Variants in SNX30 observed in about 807,000 individuals in gnomAD.
SNX30 encodes sorting nexin-30.
In SNX30, 24 loss-of-function variants were observed where a neutral mutation model predicts 46.4. The observed-to-expected ratio is 0.52, with a 90% CI of 0.37 to 0.73. The LOEUF is 0.73. SNX30 is among the 30% of genes least tolerant of loss of function. The pLI is 0.00. For synonymous variants in SNX30, 189 were observed against 211.5 expected (o/e 0.89, Z 0.92); for missense variants, 533 against 555.7 (o/e 0.96, Z 0.41).
At chr9:112,819,619 A>G (rs1461199301) in intron 3 of SNX30, among the ~76,000 whole-genome samples, 1 of 152,092 alleles carries the variant, frequency 6.6e-6, no homozygotes, top group African/African-American at 2.4e-5. Flanking sequence ...CATTTTATTT[A>G]GCAGTCATGT....
At chr9:112,781,903 A>C (rs570777643) in intron 1 of SNX30, among the ~76,000 whole-genome samples, 1 of 152,056 alleles carries the variant, frequency 6.6e-6, no homozygotes, top group South Asian at 2.1e-4. Context: ...TATCCTCCCA[A>C]AGTGCTGGGA....
Position 112,865,647 on chromosome 9 carries a change from ATATATATATATATATG to A in SNX30, c.1254+1252_1254+1267del, listed in dbSNP as rs1564297140. Among the ~76,000 whole-genome samples, 4 of 85,188 alleles carry A rather than the reference ATATATATATATATATG, an allele frequency of 4.7e-5. No individual in the cohort carries two copies. The South Asian group carries it at 1.0e-3, about 21-fold the overall frequency. The allele number at this position is 85,188 out of a possible 152,430, so 55.9% of individuals were successfully genotyped here. On this transcript the variant is annotated intron_variant, in intron 8 of 8. Coordinates refer to ENST00000374232, the MANE Select transcript of SNX30 (RefSeq NM_001012994.2). ...GCCATATATATATATATATATATAT[ATATATATATATATATG>A]TATGTATGTATGCACACACACACAC... is the stretch of plus-strand genomic sequence containing the variant.
chr9:112,880,074 T>TA (rs1162823056), exon 5 of SNX30: 2 of 360,198 alleles, frequency 5.6e-6, no homozygotes, highest in Admixed American at 4.1e-5. Context: ...CTTATGCCTG[T>TA]AATCCCAACA....
chr9:112,797,830 C>T (rs1402461610), intron 1 of SNX30, among the ~76,000 whole-genome samples: 13 of 149,582 alleles, frequency 8.7e-5, no homozygotes, highest in Non-Finnish European at 5.9e-5. Flanking sequence ...CCTGCCTCAG[C>T]CCCCCGAGTA....
intron 6 of SNX30, among the ~76,000 whole-genome samples, chr9:112,847,129 G>T (rs1020730184): frequency 1.3e-5 from 2 of 152,254 alleles, no homozygotes; most frequent in Admixed American, 6.5e-5. Context: ...CTTAATGACT[G>T]TTATTAATTT....
At chr9:112,829,366 A>G (rs570082301) in intron 3 of SNX30, among the ~76,000 whole-genome samples, 2 of 152,320 alleles carry the variant, frequency 1.3e-5, no homozygotes, top group East Asian at 3.9e-4. Flanking sequence ...CCATCTTGCC[A>G]GCCTAAGCTA....
At chr9:112,829,947 A>AAT (rs557778555) in intron 3 of SNX30, among the ~76,000 whole-genome samples, 2 of 152,230 alleles carry the variant, frequency 1.3e-5, no homozygotes, top group Non-Finnish European at 2.9e-5. Context: ...CAATTTTAAA[A>AAT]ATATTTCATA....
intron 1 of SNX30, among the ~76,000 whole-genome samples, chr9:112,783,541 G>A (rs1416270903): frequency 6.6e-6 from 1 of 152,174 alleles, no homozygotes; most frequent in Non-Finnish European, 1.5e-5. Context: ...GTCCATCTTA[G>A]CCCCAAGACT....
chr9:112,758,205 C>A (rs1397762819), intron 1 of SNX30, among the ~76,000 whole-genome samples: 10 of 152,052 alleles, frequency 6.6e-5, no homozygotes, highest in Admixed American at 6.5e-4. Flanking sequence ...AGGGTGTAGA[C>A]CCACCTGCCA....
chr9:112,855,520 G>A (rs1841109325), intron 7 of SNX30, among the ~76,000 whole-genome samples: 1 of 152,146 alleles, frequency 6.6e-6, no homozygotes, highest in African/African-American at 2.4e-5. Context: ...GTAACCCAGG[G>A]GAAGGAAGTG....
intron 1 of SNX30, among the ~76,000 whole-genome samples, chr9:112,762,334 G>A (rs571681063): frequency 3.0e-4 from 45 of 152,214 alleles, no homozygotes; most frequent in African/African-American, 9.2e-4. Flanking sequence ...TTGGGTGGCC[G>A]AGTGCAGGCG....
intron 7 of SNX30, chr9:112,856,887 G>A (rs1335551047): frequency 6.6e-6 from 1 of 152,354 alleles, no homozygotes; most frequent in African/African-American, 2.4e-5. Flanking sequence ...GCTGACTTAA[G>A]TCCCACCGCA....
chr9:112,806,513 TTTTC>T (rs980640035), intron 2 of SNX30, among the ~76,000 whole-genome samples: 7 of 152,214 alleles, frequency 4.6e-5, no homozygotes, highest in Non-Finnish European at 8.8e-5. Context: ...ACTGTGTCTT[TTTTC>T]TTTTTCATTG....
chr9:112,870,857 T>C lies in SNX30; in HGVS notation c.*2014T>C, dbSNP rs1034014376. On this transcript the variant is annotated 3_prime_UTR_variant, in exon 9 of 9. Coordinates refer to ENST00000374232, the MANE Select transcript of SNX30 (RefSeq NM_001012994.2). Reference sequence around the variant, plus strand: ...ATAGGAAGCTTTACCTTGGGGAAGGTATGCTTTACAAATGTCCAGTGTAAT... The same window carrying C: ...ATAGGAAGCTTTACCTTGGGGAAGGCATGCTTTACAAATGTCCAGTGTAAT... 2.0e-5 allele frequency: 3 copies of C among 152,210 alleles called. No individual in the cohort carries two copies. The highest frequency in any genetic ancestry group is 4.8e-5 in the African/African-American group (2 of 41,438). 9.4% of individuals were successfully genotyped at this position (152,210 alleles called of 1,614,324 possible).
intron 6 of SNX30, among the ~76,000 whole-genome samples, chr9:112,839,853 T>C (rs1374372214): frequency 6.6e-6 from 1 of 152,148 alleles, no homozygotes; most frequent in African/African-American, 2.4e-5. Flanking sequence ...GTTGTAAAAA[T>C]GTTAAACCAG....
chr9:112,828,454 A>G (rs1333419816), intron 3 of SNX30, among the ~76,000 whole-genome samples: 1 of 151,638 alleles, frequency 6.6e-6, no homozygotes, highest in Non-Finnish European at 1.5e-5. Flanking sequence ...TTGCCTGACA[A>G]TGCATTTCTC....
At chr9:112,808,224 A>C (rs1330730870) in intron 2 of SNX30, among the ~76,000 whole-genome samples, 1 of 152,228 alleles carries the variant, frequency 6.6e-6, no homozygotes, top group Non-Finnish European at 1.5e-5. Context: ...TCCTCAAACG[A>C]AGTTAATGGT....
At chr9:112,781,877 G>A (rs950489763) in intron 1 of SNX30, among the ~76,000 whole-genome samples, 1 of 151,460 alleles carries the variant, frequency 6.6e-6, no homozygotes, top group Admixed American at 6.6e-5. Flanking sequence ...CCTGAAATCA[G>A]GTGATCCACC....
intron 1 of SNX30, among the ~76,000 whole-genome samples, chr9:112,796,662 A>G (rs547669916): frequency 6.6e-6 from 1 of 152,268 alleles, no homozygotes; most frequent in South Asian, 2.1e-4. Flanking sequence ...TAGTAATTAC[A>G]GTTTTTTTGA....
Sources: gnomAD v4.1 joint callset for allele counts (sites outside exome capture counted in the v4.1 genomes callset) on GRCh38, gnomAD v4.1.1 for gene constraint, MANE v1.5 for transcripts, NCBI Gene and HGNC (gene_info 2026-07-23, HGNC 2026-07-21) for gene names.